Variants in MBD2 observed in about 807,000 individuals in gnomAD.
The protein encoded by MBD2 is methyl-CpG binding domain protein 2.
A neutral mutation model predicts 39.3 loss-of-function variants in MBD2; 9 were observed. The ratio of observed to expected loss-of-function variants is 0.23; its 90% CI spans 0.14 to 0.40. The LOEUF is 0.40. Ranked by LOEUF, MBD2 falls within the 10% of genes least tolerant of loss-of-function variation. The pLI is 1.00. For synonymous variants in MBD2, 233 were observed against 211.1 expected, an observed-to-expected ratio of 1.10 and a Z score of -0.90; for missense variants, 458 against 532.6, an observed-to-expected ratio of 0.86 and a Z score of 1.38.
intron 5 of MBD2, among the ~76,000 whole-genome samples, chr18:54,163,749 C>G (rs118113815): frequency 0.034 from 5,148 of 152,140 alleles, 122 homozygotes; most frequent in Non-Finnish European, 0.046. Context: ...TTCTTACTTG[C>G]TTCTCTTCTT....
chr18:54,165,605 C>T (rs2144282763), intron 4 of MBD2, among the ~76,000 whole-genome samples: 1 of 152,260 alleles, frequency 6.6e-6, no homozygotes, highest in East Asian at 1.9e-4. Flanking sequence ...GTTGCTGGAC[C>T]AAAGTGCATC....
chr18:54,158,752 G>C (rs2086072517), intron 6 of MBD2, among the ~76,000 whole-genome samples: 2 of 152,084 alleles, frequency 1.3e-5, no homozygotes, highest in Non-Finnish European at 2.9e-5. Flanking sequence ...CTCCCGAGTA[G>C]CTAGAATTAC....
At chr18:54,159,292 C>T (rs2086076967) in intron 6 of MBD2, among the ~76,000 whole-genome samples, 1 of 152,196 alleles carries the variant, frequency 6.6e-6, no homozygotes, top group African/African-American at 2.4e-5. Flanking sequence ...AATGCAATAA[C>T]TTATATGGTC....
intron 2 of MBD2, among the ~76,000 whole-genome samples, chr18:54,190,848 C>A (rs1014958987): frequency 1.3e-5 from 2 of 152,078 alleles, no homozygotes; most frequent in Non-Finnish European, 2.9e-5. Flanking sequence ...AACTTATTTA[C>A]CTAGTTTTAA....
chr18:54,183,863 A>G (rs771436856), intron 3 of MBD2, among the ~76,000 whole-genome samples: 12 of 152,142 alleles, frequency 7.9e-5, no homozygotes, highest in Non-Finnish European at 2.9e-5. Context: ...GGTAAGTGAC[A>G]TATTCCACTG....
intron 5 of MBD2, among the ~76,000 whole-genome samples, chr18:54,160,465 C>T (rs2086088262): frequency 6.6e-6 from 1 of 151,700 alleles, no homozygotes; most frequent in African/African-American, 2.4e-5. Context: ...CGAGGACAGA[C>T]ACTGAAAAGC....
chr18:54,205,671 A>G (rs2086444109), intron 1 of MBD2, among the ~76,000 whole-genome samples: 1 of 151,946 alleles, frequency 6.6e-6, no homozygotes, highest in Admixed American at 6.6e-5. Context: ...AGTGTCACCT[A>G]ATATAATGCT....
At position 54,157,299 on chromosome 18, in the gene MBD2, C is replaced by T. The variant is rs1441427883; in HGVS notation, c.*13-1988G>A. Among the ~76,000 whole-genome samples the T allele has an allele frequency of 4.0e-5, 6 of 151,104 alleles. No homozygotes were observed. The East Asian group carries it at 1.2e-3, about 29-fold the overall frequency. ...TTTTTGAGACAGAGTCTCACTCTAT[C>T]ACCCAGGCTGTAGTGCAGTGGCGCG... On this transcript the variant is annotated intron_variant, in intron 6 of 6. Coordinates refer to ENST00000256429, the MANE Select transcript of MBD2 (RefSeq NM_003927.5).
chr18:54,165,940 C>T lies in MBD2; in HGVS notation c.931+136G>A, dbSNP rs183695293. ...TGGCTTTACTAAAACACAAGAGGTA[C>T]GTCATCCAGCAAGGCATATGACCTC... On this transcript the variant is annotated intron_variant, in intron 4 of 6. Transcript: ENST00000256429. 482 of 595,678 alleles carry T rather than the reference C, an allele frequency of 8.1e-4. 1 individual carries two copies. Among genetic ancestry groups the T allele is most frequent in the African/African-American group, 7.6e-3 (403 of 53,214 alleles). 36.9% of individuals were successfully genotyped at this position (595,678 alleles called of 1,614,324 possible). A position where few individuals can be genotyped will look rare whatever the true frequency, so the allele number is the denominator to read the frequency against.
chr18:54,175,774 A>G (rs2086207872), intron 3 of MBD2, among the ~76,000 whole-genome samples: 1 of 152,000 alleles, frequency 6.6e-6, no homozygotes, highest in Non-Finnish European at 1.5e-5. Flanking sequence ...TAATTACCAA[A>G]TCCAATTCCT....
At chr18:54,188,249 C>T (rs2086297446) in intron 3 of MBD2, among the ~76,000 whole-genome samples, 1 of 152,172 alleles carries the variant, frequency 6.6e-6, no homozygotes, top group Non-Finnish European at 1.5e-5. Context: ...TGTCCAGTCT[C>T]CCTCCCCGGG....
Position 54,224,357 on chromosome 18 carries a change from C to G in MBD2, c.203G>C (p.Gly68Ala), listed in dbSNP as rs1173350751. The G allele has an allele frequency of 1.7e-6, 2 of 1,166,340 alleles. No homozygotes were observed. The highest frequency in any genetic ancestry group is 2.1e-6 in the Non-Finnish European group (2 of 945,734). The allele number at this position is 1,166,340 out of a possible 1,614,324, so 72.2% of individuals were successfully genotyped here. A position where few individuals can be genotyped will look rare whatever the true frequency, so the allele number is the denominator to read the frequency against. The part of the protein sequence containing the change: ...GRGRGRWKQA[G>A]RGGGVCGRGR... ...ACGGCCACAGACGCCGCCGCCCCGG[C>G]CCGCCTGCTTCCACCGCCCCCGGCC... The change falls in exon 1 of 7, where the codon GGC becomes GCC. Residue 68 changes from glycine to alanine, a missense_variant. Around this residue, in one of 2 missense-constraint regions of MBD2, gnomAD observed 269 missense variants for 236.0 expected, o/e 1.14. Transcript: ENST00000256429.
At chr18:54,210,436 G>A (rs766633834) in intron 1 of MBD2, among the ~76,000 whole-genome samples, 14 of 152,148 alleles carry the variant, frequency 9.2e-5, no homozygotes, top group Non-Finnish European at 1.9e-4. Context: ...TGCCCTGCCA[G>A]TCTATGACAT....
At chr18:54,221,723 C>G (rs545689298) in intron 1 of MBD2, among the ~76,000 whole-genome samples, 3 of 152,158 alleles carry the variant, frequency 2.0e-5, no homozygotes, top group Non-Finnish European at 2.9e-5. Context: ...GAGCCGAGAT[C>G]GCACCACTGC....
chr18:54,180,890 A>ATTTTTTTTTTTTTTTTTTT (rs1568083459), intron 3 of MBD2, among the ~76,000 whole-genome samples: 7 of 114,590 alleles, frequency 6.1e-5, no homozygotes, highest in African/African-American at 2.6e-4. Context: ...GTATTCCTTA[A>ATTTTTTTTTTTTTTTTTTT]TTTTTTCTTT....
chr18:54,165,168 C>G (rs1414820301), intron 4 of MBD2, among the ~76,000 whole-genome samples: 3 of 152,122 alleles, frequency 2.0e-5, no homozygotes, highest in African/African-American at 7.2e-5. Flanking sequence ...ACATTAATTT[C>G]CAGCAATATC....
chr18:54,158,276 T>C (rs1425404263), intron 6 of MBD2, among the ~76,000 whole-genome samples: 1 of 151,956 alleles, frequency 6.6e-6, no homozygotes, highest in Non-Finnish European at 1.5e-5. Context: ...CTCCTTGCTG[T>C]TCCTTCTAAT....
intron 1 of MBD2, among the ~76,000 whole-genome samples, chr18:54,223,647 GT>G (rs2086633373): frequency 6.6e-6 from 1 of 152,212 alleles, no homozygotes; most frequent in Admixed American, 6.5e-5. Flanking sequence ...CTTAACACTT[GT>G]GATGATGAAT....
intron 3 of MBD2, 44 bp from the exon 4 acceptor site, chr18:54,166,210 A>C (rs2086130900): frequency 8.5e-7 from 1 of 1,172,030 alleles, no homozygotes; most frequent in East Asian, 2.3e-5. Flanking sequence ...TTTTTGAAAC[A>C]AGAAAGTAGC....
Sources: allele counts gnomAD v4.1 joint callset (sites outside exome capture counted in the v4.1 genomes callset), GRCh38; gene constraint gnomAD v4.1.1; regional missense constraint gnomAD v4.1.1; transcripts MANE v1.5; gene names NCBI Gene and HGNC (gene_info 2026-07-23, HGNC 2026-07-21).